The following TTC28 variants were observed in gnomAD, a reference collection of about 807,000 sequenced individuals.
TTC28 encodes the protein tetratricopeptide repeat domain 28.
In TTC28, 61 loss-of-function variants were observed where a neutral mutation model predicts 198.0. That is an observed-to-expected ratio of 0.31 (90% CI 0.25 to 0.38). TTC28 has a LOEUF of 0.38. Ranked by LOEUF, TTC28 falls within the 10% of genes least tolerant of loss-of-function variation. The probability of loss-of-function intolerance (pLI) is 1.00; values close to 1 mark genes in which losing one functional copy is unlikely to be tolerated. For missense variants in TTC28, 2,678 were observed against 3,164.0 expected (o/e 0.85, Z 3.69); for synonymous variants, 1,171 against 1,297.8 (o/e 0.90, Z 2.10).
At chr22:28,676,126 A>G (rs2051985406) in intron 1 of TTC28, among the ~76,000 whole-genome samples, 2 of 152,216 alleles carry the variant, frequency 1.3e-5, no homozygotes. Context: ...GTGCCTATCA[A>G]CAGAGGAACT....
At chr22:28,339,613 G>A (rs1284306510) in intron 2 of TTC28, among the ~76,000 whole-genome samples, 5 of 152,084 alleles carry the variant, frequency 3.3e-5, no homozygotes, top group Admixed American at 6.5e-5. Context: ...CCCTAGCCTC[G>A]CTGCCGCCTT....
Position 28,108,338 on chromosome 22 carries a change from T to C in TTC28, c.1507A>G (p.Ile503Val), listed in dbSNP as rs375998909. 3.5e-5 allele frequency: 53 copies of C among 1,509,360 alleles called. No homozygotes were observed. The highest frequency in any genetic ancestry group is 7.4e-5 in the East Asian group (3 of 40,280). The allele number at this position is 1,509,360 out of a possible 1,614,324, so 93.5% of individuals were successfully genotyped here. A position where few individuals can be genotyped will look rare whatever the true frequency, so the allele number is the denominator to read the frequency against. ...GCATAATCACTCAGCTCCTGGGCAA[T>C]GCACAGGTGGGTCTTGTGGAGTTTC... ...ALKLHKTHLC[I>V]AQELSDYAAQ... is the part of the protein sequence containing the mutation. The change falls in exon 7 of 23, where the codon ATT (isoleucine) becomes GTT (valine). Residue 503 changes from isoleucine (I) to valine (V), a missense_variant. Physicochemically the swap from Ile to Val is conservative, Grantham distance 29 (BLOSUM62 3). Transcript: ENST00000397906.
At chr22:28,386,812 GTT>G (rs901346354) in intron 2 of TTC28, among the ~76,000 whole-genome samples, 1 of 150,808 alleles carries the variant, frequency 6.6e-6, no homozygotes, top group Non-Finnish European at 1.5e-5. Flanking sequence ...CTTTCTTATA[GTT>G]TTTTTTTGTT....
At position 28,500,696 on chromosome 22, in the gene TTC28, G is replaced by A. The variant is rs149616108; in HGVS notation, c.381+128856C>T. 1.3e-4 allele frequency among the ~76,000 whole-genome samples: 20 copies of A among 152,096 alleles called. No individual in the cohort carries two copies. In the East Asian group the frequency reaches 2.3e-3, roughly 18 times the overall value. ...CTTAACATTTATAATGGACAATTCC[G>A]TATCACAGCAATCCCATAATTTTCA... On this transcript the variant is annotated intron_variant, in intron 2 of 22. Transcript: ENST00000397906.
intron 2 of TTC28, among the ~76,000 whole-genome samples, chr22:28,441,314 A>T (rs1306769148): frequency 6.6e-6 from 1 of 152,114 alleles, no homozygotes; most frequent in Non-Finnish European, 1.5e-5. Context: ...CAAATATAGA[A>T]GAAATGGGGG....
At chr22:28,605,794 T>A (rs1043670774) in intron 2 of TTC28, among the ~76,000 whole-genome samples, 2 of 152,180 alleles carry the variant, frequency 1.3e-5, no homozygotes, top group African/African-American at 4.8e-5. Context: ...ACATTGCAAA[T>A]CTAACATTTA....
At chr22:28,435,714 C>T (rs1259370570) in intron 2 of TTC28, among the ~76,000 whole-genome samples, 2 of 152,208 alleles carry the variant, frequency 1.3e-5, no homozygotes, top group East Asian at 3.8e-4. Context: ...ACTCAGATTT[C>T]TTCATCACTG....
At chr22:28,432,060 C>T (rs188802071) in intron 2 of TTC28, among the ~76,000 whole-genome samples, 289 of 151,882 alleles carry the variant, frequency 1.9e-3, no homozygotes, top group African/African-American at 5.4e-3. Flanking sequence ...CCGAGGTGGG[C>T]GGATCACGAA....
chr22:28,560,900 G>A (rs568323264), intron 2 of TTC28, among the ~76,000 whole-genome samples: 9 of 151,772 alleles, frequency 5.9e-5, no homozygotes, highest in African/African-American at 2.2e-4. Flanking sequence ...GGGACAACAG[G>A]CACCCGCCAC....
chr22:28,160,754 G>A (rs1284687428), intron 6 of TTC28, among the ~76,000 whole-genome samples: 2 of 152,180 alleles, frequency 1.3e-5, no homozygotes, highest in Non-Finnish European at 2.9e-5. Context: ...ATGTGAGGGG[G>A]TGAGCCTCCT....
chr22:28,431,801 G>A (rs184364948), intron 2 of TTC28, among the ~76,000 whole-genome samples: 1 of 151,720 alleles, frequency 6.6e-6, no homozygotes, highest in Non-Finnish European at 1.5e-5. Context: ...AACATGGTGA[G>A]ACCTTGTCTC....
chr22:28,177,936 A>T (rs1923321371), intron 5 of TTC28, among the ~76,000 whole-genome samples: 1 of 152,196 alleles, frequency 6.6e-6, no homozygotes, highest in Non-Finnish European at 1.5e-5. Flanking sequence ...GACATTATAA[A>T]TTTGTCAAAA....
chr22:28,347,454 T>C (rs997872986), intron 2 of TTC28, among the ~76,000 whole-genome samples: 2 of 152,148 alleles, frequency 1.3e-5, no homozygotes, highest in Non-Finnish European at 2.9e-5. Context: ...TTGAGAATGA[T>C]CTATATATTA....
chr22:28,096,167 G>T (rs765625306), intron 11 of TTC28, 23 bp downstream of exon 11: 4 of 1,520,648 alleles, frequency 2.6e-6, no homozygotes, highest in African/African-American at 2.8e-5. Context: ...TAATTGCCCT[G>T]TTCCCACAGA....
intron 2 of TTC28, among the ~76,000 whole-genome samples, chr22:28,407,104 G>T (rs542044882): frequency 1.3e-5 from 2 of 152,150 alleles, no homozygotes; most frequent in South Asian, 4.2e-4. Flanking sequence ...CTTCTTAGAA[G>T]GTAAGTCTCC....
At chr22:28,639,138 G>T (rs2051321472) in intron 1 of TTC28, among the ~76,000 whole-genome samples, 1 of 152,192 alleles carries the variant, frequency 6.6e-6, no homozygotes, top group Non-Finnish European at 1.5e-5. Flanking sequence ...AGCATCATTT[G>T]TATTAGCATG....
chr22:28,614,578 A>G (rs975803510), intron 2 of TTC28, among the ~76,000 whole-genome samples: 1 of 152,142 alleles, frequency 6.6e-6, no homozygotes, highest in Non-Finnish European at 1.5e-5. Flanking sequence ...ACAGCATGGT[A>G]CTGGTACCAA....
At chr22:28,121,990 C>A (rs1317598400) in intron 6 of TTC28, among the ~76,000 whole-genome samples, 1 of 152,180 alleles carries the variant, frequency 6.6e-6, no homozygotes, top group Non-Finnish European at 1.5e-5. Context: ...GCCTCAGCCT[C>A]CTGAGTAGCT....
chr22:28,463,414 T>C (rs1323777047), intron 2 of TTC28, among the ~76,000 whole-genome samples: 1 of 152,202 alleles, frequency 6.6e-6, no homozygotes, highest in Non-Finnish European at 1.5e-5. Flanking sequence ...CATTACTGGG[T>C]ATATACCCAA....
Sources: allele counts gnomAD v4.1 joint callset (sites outside exome capture counted in the v4.1 genomes callset), GRCh38; gene constraint gnomAD v4.1.1; transcripts MANE v1.5; gene names NCBI Gene and HGNC (gene_info 2026-07-23, HGNC 2026-07-21).